The following SKIC3 variants were observed in gnomAD, a reference collection of about 807,000 sequenced individuals.
SKIC3 encodes the protein superkiller complex protein 3.
At chr5:95,486,349 G>A in the SKIC3 span, among the ~76,000 whole-genome samples, 55,048 of 152,088 alleles carry the variant, frequency 0.36, 12,384 homozygotes, top group Non-Finnish European at 0.47. Flanking sequence ...AGTGCCCTGA[G>A]AACAAATTCC....
the SKIC3 span, among the ~76,000 whole-genome samples, chr5:95,473,165 A>C: frequency 6.6e-6 from 1 of 152,126 alleles, no homozygotes; most frequent in Non-Finnish European, 1.5e-5. Flanking sequence ...TTAAGTTGAG[A>C]TATCTACAAA....
At chr5:95,502,901 G>C in the SKIC3 span, 1 of 1,613,812 alleles carries the variant, frequency 6.2e-7, no homozygotes, top group South Asian at 1.1e-5. Flanking sequence ...CAATGTCTTG[G>C]CTACATCCGT....
chr5:95,495,228 A>C, the SKIC3 span: 1 of 539,384 alleles, frequency 1.9e-6, no homozygotes, highest in South Asian at 2.5e-5. Flanking sequence ...ACTGTGACCA[A>C]CTCTACTTTC....
the SKIC3 span, chr5:95,515,022 T>C: frequency 4.4e-6 from 5 of 1,147,210 alleles, no homozygotes; most frequent in East Asian, 2.6e-5. Flanking sequence ...CCTCTCATCA[T>C]AAATATGTAT....
the SKIC3 span, chr5:95,517,417 T>A: frequency 7.2e-7 from 1 of 1,397,758 alleles, no homozygotes; most frequent in Non-Finnish European, 9.9e-7. Context: ...AACTGTACAT[T>A]AAGTACTTTA....
the SKIC3 span, chr5:95,484,963 G>A: frequency 2.2e-5 from 24 of 1,089,564 alleles, no homozygotes; most frequent in Non-Finnish European, 3.3e-5. Flanking sequence ...GTTTTTCAAA[G>A]TTACATGTGC....
At chr5:95,497,207 T>G in the SKIC3 span, among the ~76,000 whole-genome samples, 32 of 152,304 alleles carry the variant, frequency 2.1e-4, no homozygotes, top group South Asian at 3.7e-3. Flanking sequence ...TCTTTGTAGC[T>G]CCCACAACAT....
At chr5:95,524,426 C>T in the SKIC3 span, 82 of 1,610,088 alleles carry the variant, frequency 5.1e-5, 1 homozygote, top group African/African-American at 4.7e-4. Context: ...TTTTATAATG[C>T]CATTTCAACT....
chr5:95,540,629 TC>T, the SKIC3 span: 2 of 1,592,870 alleles, frequency 1.3e-6, no homozygotes, highest in Non-Finnish European at 1.7e-6. Context: ...GTTTCCATTT[TC>T]TAAATTCAAT....
the SKIC3 span, among the ~76,000 whole-genome samples, chr5:95,499,403 GT>G: frequency 6.6e-6 from 1 of 152,204 alleles, no homozygotes; most frequent in Non-Finnish European, 1.5e-5. Context: ...TGTCATGATT[GT>G]AAGTTTCCTG....
At chr5:95,485,190 A>G in the SKIC3 span, among the ~76,000 whole-genome samples, 2 of 152,222 alleles carry the variant, frequency 1.3e-5, no homozygotes, top group Non-Finnish European at 2.9e-5. Context: ...TTTGACATGT[A>G]TATCAGTGAA....
At chr5:95,515,165 G>A in the SKIC3 span, 19 of 420,828 alleles carry the variant, frequency 4.5e-5, no homozygotes, top group Non-Finnish European at 8.0e-5. Flanking sequence ...GCAAAAAAGG[G>A]TTCTACCTTG....
the SKIC3 span, among the ~76,000 whole-genome samples, chr5:95,501,293 A>C: frequency 1.3e-5 from 2 of 152,180 alleles, no homozygotes; most frequent in African/African-American, 4.8e-5. Flanking sequence ...CTGAATGCTC[A>C]ATATCTGTAT....
the SKIC3 span, among the ~76,000 whole-genome samples, chr5:95,531,191 T>C: frequency 6.6e-6 from 1 of 152,168 alleles, no homozygotes; most frequent in Non-Finnish European, 1.5e-5. Context: ...GTAGCTCATA[T>C]ATTTCAAATT....
chr5:95,468,120 TC>T, the SKIC3 span: 1 of 1,172,278 alleles, frequency 8.5e-7, no homozygotes, highest in East Asian at 2.6e-5. Context: ...ATTTTTTAAT[TC>T]AGATAACAAT....
chr5:95,528,130 A>G, the SKIC3 span: 2 of 1,613,830 alleles, frequency 1.2e-6, no homozygotes, highest in African/African-American at 2.7e-5. Context: ...CAGACGCACC[A>G]AGATTATCTA....
chr5:95,541,936 T>C, the SKIC3 span: 3 of 1,454,814 alleles, frequency 2.1e-6, no homozygotes, highest in African/African-American at 1.4e-5. Context: ...TGATTATTCT[T>C]TTTCCTAAAA....
chr5:95,484,986 A>G, the SKIC3 span: 3 of 871,382 alleles, frequency 3.4e-6, no homozygotes, highest in Non-Finnish European at 5.5e-6. Flanking sequence ...CATGTACCAT[A>G]GACTATCCTG....
At chr5:95,530,011 A>G in the SKIC3 span, 1 of 1,567,462 alleles carries the variant, frequency 6.4e-7, no homozygotes, top group Non-Finnish European at 8.7e-7. Flanking sequence ...CATTCCTTAA[A>G]GAAAGGCTCA....
Sources: gnomAD v4.1 joint callset for allele counts (sites outside exome capture counted in the v4.1 genomes callset) on GRCh38, gnomAD v4.1.1 for gene constraint, MANE v1.5 for transcripts, NCBI Gene and HGNC (gene_info 2026-07-23, HGNC 2026-07-21) for gene names.